CUL4B: variants seen among roughly 807,000 people sequenced by gnomAD.
The protein encoded by CUL4B is cullin 4B.
Under a neutral mutation model 69.2 loss-of-function variants are expected in CUL4B, and 1 was observed. The observed-to-expected ratio is 0.01, with a 90% CI of 0.01 to 0.07. The LOEUF (loss-of-function observed/expected upper bound fraction) is 0.07, where lower values mean the gene tolerates loss of function less well. CUL4B is among the 10% of genes least tolerant of loss of function. CUL4B has a pLI of 1.00. For missense variants in CUL4B, 328 were observed against 638.8 expected (o/e 0.51, Z 5.24); for synonymous variants, 237 against 223.2 (o/e 1.06, Z -0.55).
intron 2 of CUL4B, among the ~76,000 whole-genome samples, chrX:120,556,025 A>C (rs749448843): frequency 9.1e-6 from 1 of 109,666 alleles, no homozygotes; most frequent in Non-Finnish European, 1.9e-5. Context: ...TATATGAGAT[A>C]ATACGAGATG....
chrX:120,559,765 T>G, intron 1 of CUL4B: 1 of 1,051,930 alleles, frequency 9.5e-7, no homozygotes, highest in Non-Finnish European at 1.2e-6. Context: ...CTCTTTAGAA[T>G]ACAAATTTCT....
intron 4 of CUL4B, 66 bp from the exon 5 acceptor site, chrX:120,545,583 A>G: frequency 1.3e-6 from 1 of 759,800 alleles, no homozygotes; most frequent in South Asian, 2.3e-5. Flanking sequence ...ATTTGCTTTC[A>G]ATAAGAATAA....
At chrX:120,554,724 G>A (rs56241821) in intron 2 of CUL4B, among the ~76,000 whole-genome samples, 18,852 of 111,328 alleles carry the variant, frequency 0.17, 1,441 homozygotes, top group East Asian at 0.44. Flanking sequence ...GAAAGAGGGT[G>A]GGACAGGGGT....
At chrX:120,551,245 C>T (rs753057150) in intron 2 of CUL4B, among the ~76,000 whole-genome samples, 1 of 109,937 alleles carries the variant, frequency 9.1e-6, no homozygotes, top group Admixed American at 9.8e-5. Flanking sequence ...CTTGCTCTGT[C>T]GCCCAGATTG....
chrX:120,530,948 T>A (rs1482390200), intron 18 of CUL4B, among the ~76,000 whole-genome samples: 1 of 111,831 alleles, frequency 8.9e-6, no homozygotes, highest in Non-Finnish European at 1.9e-5. Context: ...GACATGGTAA[T>A]CCTTTAAGAA....
chrX:120,565,786 C>T (rs1186851527), upstream of CUL4B, among the ~76,000 whole-genome samples: 1 of 90,145 alleles, frequency 1.1e-5, no homozygotes, highest in Non-Finnish European at 2.2e-5. Flanking sequence ...AGTGCAGCGG[C>T]GCCATCTCAG....
intron 1 of CUL4B, chrX:120,574,675 C>G (rs765769140): frequency 1.1e-6 from 1 of 930,091 alleles, no homozygotes; most frequent in East Asian, 3.1e-5. Context: ...AGTCCTCTCC[C>G]ATATCTGTAT....
Position 120,524,116 on chromosome X carries a change from A to G in CUL4B, c.*2645T>C, listed in dbSNP as rs1253401962. Among the ~76,000 whole-genome samples the G allele has an allele frequency of 9.0e-6, 1 of 111,565 alleles. No homozygotes were observed. Among genetic ancestry groups the G allele is most frequent in the Non-Finnish European group, 1.9e-5 (1 of 53,067 alleles). The stretch of plus-strand genomic sequence containing the variant: ...ACTCACATACACAGCAAAAATTTCA[A>G]GAGTATGGCTAGACATCATATTAAG... On this transcript the variant is annotated 3_prime_UTR_variant, in exon 20 of 20. Transcript: ENST00000371322.
intron 13 of CUL4B, 51 bp downstream of exon 13, chrX:120,538,609 C>T: frequency 1.2e-6 from 1 of 821,057 alleles, no homozygotes; most frequent in Non-Finnish European, 1.8e-6. Context: ...AAAAAGCTAA[C>T]ATTCTCCTTC....
At chrX:120,538,557 A>T in intron 13 of CUL4B, 103 bp downstream of exon 13, 1 of 595,113 alleles carries the variant, frequency 1.7e-6, no homozygotes, top group Non-Finnish European at 2.9e-6. Flanking sequence ...CATCATATAT[A>T]CATAGACATG....
chrX:120,560,984 C>T, upstream of CUL4B: 1 of 964,881 alleles, frequency 1.0e-6, no homozygotes, highest in South Asian at 3.1e-5. Context: ...GCTCCTCCTC[C>T]TTTTCTCCCT....
At chrX:120,561,413 C>G (rs748103861), upstream of CUL4B, 3 of 560,140 alleles carry the variant, frequency 5.4e-6, no homozygotes, top group Non-Finnish European at 9.8e-6. Flanking sequence ...GCCCAGATCC[C>G]GAAGCCCCCA....
At chrX:120,556,529 G>A (rs1459023196) in intron 2 of CUL4B, among the ~76,000 whole-genome samples, 1 of 111,177 alleles carries the variant, frequency 9.0e-6, no homozygotes, top group African/African-American at 3.3e-5. Context: ...CTCTACTTTA[G>A]AGAGGAGGAA....
At chrX:120,552,012 A>G (rs1292116032) in intron 2 of CUL4B, among the ~76,000 whole-genome samples, 1 of 112,166 alleles carries the variant, frequency 8.9e-6, no homozygotes, top group Non-Finnish European at 1.9e-5. Context: ...AAGCACTTTT[A>G]CAAATATATT....
chrX:120,542,896 T>C, intron 9 of CUL4B, 70 bp downstream of exon 9: 1 of 797,108 alleles, frequency 1.3e-6, no homozygotes, highest in Non-Finnish European at 1.9e-6. Flanking sequence ...GGGCAACATC[T>C]TTAAAAATTC....
At chrX:120,560,038 G>T in intron 1 of CUL4B, 45 bp downstream of exon 1, 8 of 1,211,185 alleles carry the variant, frequency 6.6e-6, no homozygotes, top group Non-Finnish European at 7.8e-6. Context: ...GACCCCTCGA[G>T]TGTCAAATCC....
intron 10 of CUL4B, 116 bp from the exon 11 acceptor site, chrX:120,540,678 G>A (rs1923934337): frequency 3.5e-6 from 2 of 567,095 alleles, no homozygotes; most frequent in East Asian, 7.3e-5. Flanking sequence ...GTAAGATAAA[G>A]CTATTTTTAA....
downstream of CUL4B, among the ~76,000 whole-genome samples, chrX:120,567,466 C>A (rs1174076028): frequency 9.1e-6 from 1 of 110,285 alleles, no homozygotes; most frequent in Non-Finnish European, 1.9e-5. Context: ...ACTCACTGTA[C>A]AATAGAATGA....
chrX:120,560,393 G>C lies in CUL4B; in HGVS notation c.246C>G (p.Ser82=). 1 of 1,208,271 alleles carries C rather than the reference G, an allele frequency of 8.3e-7. No individual in the cohort carries two copies. Among genetic ancestry groups the C allele is most frequent in the Non-Finnish European group, 1.1e-6 (1 of 893,359 alleles). Residue 82 remains serine (S), a synonymous_variant, in exon 1 of 20, where the codon TCC becomes TCG. Coordinates refer to ENST00000371322, the MANE Select transcript of CUL4B (RefSeq NM_001079872.2). The stretch of plus-strand genomic sequence containing the variant: ...CAGCCACTGAAACCCCCAGGCAGAA[G>C]GACGAGGTTGAAGGGGATGCCGAAT... ...PRDSASPSTS[S]FCLGVSVAAS...
Sources: allele counts gnomAD v4.1 joint callset (sites outside exome capture counted in the v4.1 genomes callset), GRCh38; gene constraint gnomAD v4.1.1; transcripts MANE v1.5; gene names NCBI Gene and HGNC (gene_info 2026-07-23, HGNC 2026-07-21).